RPL28: variants seen among roughly 807,000 people sequenced by gnomAD.
RPL28 encodes the protein large ribosomal subunit protein eL28.
RPL28 carries 4 observed loss-of-function variants against 12.5 expected under a neutral mutation model. The ratio of observed to expected loss-of-function variants is 0.32; its 90% confidence interval spans 0.16 to 0.73. The LOEUF (loss-of-function observed/expected upper bound fraction) is 0.73. Ranked by LOEUF, RPL28 falls within the 30% of genes least tolerant of loss-of-function variation. The probability of loss-of-function intolerance (pLI) is 0.66; values close to 1 mark genes in which losing one functional copy is unlikely to be tolerated. For synonymous variants in RPL28, 91 were observed against 72.5 expected (o/e 1.26, Z -1.30); for missense variants, 214 against 197.7 (o/e 1.08, Z -0.49).
At chr19:55,393,463 G>C (rs1487197762), downstream of RPL28, among the ~76,000 whole-genome samples, 4 of 151,910 alleles carry the variant, frequency 2.6e-5, no homozygotes, top group Admixed American at 2.6e-4. Flanking sequence ...TAAAGTCCAC[G>C]CTTTTAGAGT....
intron 4 of RPL28, chr19:55,401,798 C>CAA (rs1569048210): frequency 3.1e-6 from 5 of 1,610,250 alleles, no homozygotes; most frequent in Non-Finnish European, 4.2e-6. Context: ...GTGGGTCGGG[C>CAA]AACCTACAGG....
At chr19:55,387,224 G>A in intron 3 of RPL28, 5 of 1,472,588 alleles carry the variant, frequency 3.4e-6, no homozygotes, top group Non-Finnish European at 3.7e-6. Flanking sequence ...TGAGTCGGGG[G>A]TCTCTAATGG....
Position 55,399,483 on chromosome 19 carries a change from C to T in RPL28, c.325-3460C>T, listed in dbSNP as rs116654365. ...CACCCAACCTTGTTTAGTGTTTTAACGGAGGTTTCATTACATGGGCATATT... is the reference window on the plus strand; with the variant it reads ...CACCCAACCTTGTTTAGTGTTTTAATGGAGGTTTCATTACATGGGCATATT... On this transcript the variant is annotated intron_variant, in intron 4 of 4. Coordinates refer to the RPL28 transcript ENST00000560055. 4.6e-3 allele frequency among the ~76,000 whole-genome samples: 701 copies of T among 152,226 alleles called. 8 individuals are homozygous for T. Among genetic ancestry groups the T allele is most frequent in the African/African-American group, 0.016 (657 of 41,536 alleles).
Position 55,390,732 on chromosome 19 carries a change from C to T in RPL28, c.*2400C>T, listed in dbSNP as rs891779253. On this transcript the variant is annotated 3_prime_UTR_variant, in exon 5 of 5. Coordinates refer to ENST00000344063, the MANE Select transcript of RPL28 (RefSeq NM_000991.5). ...CTGTGTGGCTGGGCTGGGGAGGCCACGTCTGGTATCTGAATGCTATCGGTG... is the reference window on the plus strand; with the variant it reads ...CTGTGTGGCTGGGCTGGGGAGGCCATGTCTGGTATCTGAATGCTATCGGTG... 4.5e-5 allele frequency: 44 copies of T among 985,390 alleles called. No homozygotes were observed. The highest frequency in any genetic ancestry group is 5.3e-5 in the Non-Finnish European group (44 of 829,964). 61.0% of individuals were successfully genotyped at this position (985,390 alleles called of 1,614,324 possible).
At position 55,389,289 on chromosome 19, in the gene RPL28, T is replaced by G; in HGVS notation, c.*957T>G. On this transcript the variant is annotated 3_prime_UTR_variant, in exon 5 of 5. Coordinates refer to ENST00000344063, the MANE Select transcript of RPL28 (RefSeq NM_000991.5). ...GTGAGCGGAGCACTTGAGCCAAGAG[T>G]ATGAGGCTGCAGTGAGCCCATGAGC... The G allele has an allele frequency of 1.1e-6, 1 of 947,746 alleles. No homozygotes were observed. The highest frequency in any genetic ancestry group is 1.3e-6 in the Non-Finnish European group (1 of 795,740). 58.7% of individuals were successfully genotyped at this position (947,746 alleles called of 1,614,324 possible). A position where few individuals can be genotyped will look rare whatever the true frequency, so the allele number is the denominator to read the frequency against.
At chr19:55,395,224 C>A (rs970758829), downstream of RPL28, among the ~76,000 whole-genome samples, 1 of 152,102 alleles carries the variant, frequency 6.6e-6, no homozygotes, top group Non-Finnish European at 1.5e-5. Context: ...ACAACCTCTA[C>A]CACCTGGGTT....
chr19:55,393,396 C>T (rs1044184777), downstream of RPL28, among the ~76,000 whole-genome samples: 23 of 152,010 alleles, frequency 1.5e-4, no homozygotes, highest in African/African-American at 5.6e-4. Context: ...CTAGCTGGTC[C>T]CTAGGCTCAG....
intron 1 of RPL28, 86 bp from the exon 2 acceptor site, chr19:55,386,264 T>A: frequency 7.8e-7 from 1 of 1,283,006 alleles, no homozygotes; most frequent in East Asian, 2.5e-5. Context: ...GTCGCTCTCT[T>A]CCTCTGCTGT....
intron 4 of RPL28, chr19:55,401,629 C>A (rs1312646281): frequency 6.2e-7 from 1 of 1,605,686 alleles, no homozygotes; most frequent in African/African-American, 1.3e-5. Flanking sequence ...GCTGGGCCCG[C>A]CGGCGCCCCC....
At chr19:55,386,862 G>A (rs1475855362) in intron 3 of RPL28, 169 bp downstream of exon 3, 2 of 1,551,844 alleles carry the variant, frequency 1.3e-6, no homozygotes, top group East Asian at 4.8e-5. Flanking sequence ...TGTCAGCTCT[G>A]TGAGCCGCGC....
chr19:55,403,122 C>T (rs754100490), exon 5 of RPL28: 22 of 813,820 alleles, frequency 2.7e-5, no homozygotes, highest in South Asian at 1.7e-4. Flanking sequence ...GTGGCACCCC[C>T]GAGTTGTGAC....
chr19:55,390,691 C>T lies in RPL28; in HGVS notation c.*2359C>T, dbSNP rs572331689. ...CCAGCTTAGTGGGCCTCTGTTCCTG[C>T]GGGTGGCCAGCCTGTCTGTGTGGCT... On this transcript the variant is annotated 3_prime_UTR_variant, in exon 5 of 5. Transcript: ENST00000344063. The T allele has an allele frequency of 2.7e-5, 27 of 985,412 alleles. No individual in the cohort carries two copies. The highest frequency in any genetic ancestry group is 1.9e-4 in the South Asian group (4 of 21,282). The allele number at this position is 985,412 out of a possible 1,614,324, so 61.0% of individuals were successfully genotyped here.
chr19:55,386,471 G>GA (rs2089926895), intron 2 of RPL28, 33 bp downstream of exon 2: 1 of 1,611,994 alleles, frequency 6.2e-7, no homozygotes, highest in South Asian at 1.1e-5. Flanking sequence ...GCTCCTGCGG[G>GA]AGGAGGGTCC....
In RPL28 at chr19:55,390,929, A is replaced by G. The variant is rs1228363328; in HGVS notation, c.*2597A>G. On this transcript the variant is annotated 3_prime_UTR_variant, in exon 5 of 5. Coordinates refer to ENST00000344063, the MANE Select transcript of RPL28 (RefSeq NM_000991.5). ...GGCCATCTATTCCAGCTTTATTCAC[A>G]CAAATCATGTCTGTTGGCCTGGAAA... 1 of 985,364 alleles carries G rather than the reference A, an allele frequency of 1.0e-6. No individual in the cohort carries two copies. The highest frequency in any genetic ancestry group is 1.7e-5 in the African/African-American group (1 of 57,236). 61.0% of individuals were successfully genotyped at this position (985,364 alleles called of 1,614,324 possible).
rs1233258539 is a variant in RPL28, at chr19:55,389,656, C to T, written c.*1324C>T. 8 of 985,424 alleles carry T rather than the reference C, an allele frequency of 8.1e-6. No individual in the cohort carries two copies. The highest frequency in any genetic ancestry group is 9.6e-6 in the Non-Finnish European group (8 of 830,000). 61.0% of individuals were successfully genotyped at this position (985,424 alleles called of 1,614,324 possible). On this transcript the variant is annotated 3_prime_UTR_variant, in exon 5 of 5. Coordinates refer to ENST00000344063, the MANE Select transcript of RPL28 (RefSeq NM_000991.5). ...CTTCCGACCTCAGTCCTGTCTGCTCCAGTCTTGCCCAGCTCGAAGGAGAGC... is the reference window on the plus strand; with the variant it reads ...CTTCCGACCTCAGTCCTGTCTGCTCTAGTCTTGCCCAGCTCGAAGGAGAGC...
chr19:55,400,279 A>G (rs1042081348), intron 4 of RPL28: 2 of 152,168 alleles, frequency 1.3e-5, no homozygotes, highest in Admixed American at 6.5e-5. Flanking sequence ...TTCACCTCCT[A>G]AAGTTGGGAT....
At position 55,391,760 on chromosome 19, in the gene RPL28, C is replaced by A. The variant is rs778565316; in HGVS notation, c.*3428C>A. 2.0e-5 allele frequency: 30 copies of A among 1,485,866 alleles called. No homozygotes were observed. In the African/African-American group the frequency reaches 4.0e-4, roughly 20 times the overall value. The allele number at this position is 1,485,866 out of a possible 1,614,324, so 92.0% of individuals were successfully genotyped here. ...CCTGATTGTAGGAATAAATTAATGA[C>A]TTTTTATAAATATTTTGATCAGATG... is the stretch of plus-strand genomic sequence containing the variant. On this transcript the variant is annotated 3_prime_UTR_variant, in exon 5 of 5. Transcript: ENST00000344063.
Position 55,386,574 on chromosome 19 carries a change from C to T in RPL28, c.86C>T (p.Pro29Leu), listed in dbSNP as rs1317161430. ...KRNKQTYSTE[P>L]NNLKARNSFR... is the part of the protein sequence containing the mutation. Reference sequence around the variant, plus strand: ...CTTGTGCCGCCTCCTTCCCAGGAGCCCAATAACTTGAAGGCCCGCAATTCC... The same window carrying T: ...CTTGTGCCGCCTCCTTCCCAGGAGCTCAATAACTTGAAGGCCCGCAATTCC... Residue 29 changes from proline (P) to leucine (L), a missense_variant, in exon 3 of 5, where the codon CCC (proline) becomes CTC (leucine). Coordinates refer to ENST00000344063, the MANE Select transcript of RPL28 (RefSeq NM_000991.5). 6.2e-7 allele frequency: 1 copy of T among 1,606,488 alleles called. No individual in the cohort carries two copies. The highest frequency in any genetic ancestry group is 8.5e-7 in the Non-Finnish European group (1 of 1,173,748).
At position 55,390,552 on chromosome 19, in the gene RPL28, C is replaced by G. The variant is rs981861662; in HGVS notation, c.*2220C>G. The G allele has an allele frequency of 1.0e-6, 1 of 985,480 alleles. No homozygotes were observed. The highest frequency in any genetic ancestry group is 1.2e-6 in the Non-Finnish European group (1 of 830,064). 61.0% of individuals were successfully genotyped at this position (985,480 alleles called of 1,614,324 possible). A position where few individuals can be genotyped will look rare whatever the true frequency, so the allele number is the denominator to read the frequency against. ...TGTCCTTAACCACCTCCTTGCCTGC[C>G]CTGGAGGCTTGTGCCTCTAGGCCCC... On this transcript the variant is annotated 3_prime_UTR_variant, in exon 5 of 5. Coordinates refer to ENST00000344063, the MANE Select transcript of RPL28 (RefSeq NM_000991.5).
Sources: allele counts gnomAD v4.1 joint callset (sites outside exome capture counted in the v4.1 genomes callset), GRCh38; gene constraint gnomAD v4.1.1; transcripts MANE v1.5; gene names NCBI Gene and HGNC (gene_info 2026-07-23, HGNC 2026-07-21).